The following LRRC8A variants were observed in gnomAD, a reference collection of about 807,000 sequenced individuals.
LRRC8A encodes the protein leucine rich repeat containing 8 VRAC subunit A, also known as volume-regulated anion channel subunit LRRC8A.
A neutral mutation model predicts 52.5 loss-of-function variants in LRRC8A; 24 were observed. The ratio of observed to expected loss-of-function variants is 0.46; its 90% CI spans 0.33 to 0.64. The LOEUF (loss-of-function observed/expected upper bound fraction) is 0.64. Ranked by LOEUF, LRRC8A falls within the 30% of genes least tolerant of loss-of-function variation. The pLI, the probability that LRRC8A is intolerant of heterozygous loss-of-function variation, is 0.02. For synonymous variants in LRRC8A, 492 were observed against 494.2 expected (o/e 1.00, Z 0.06); for missense variants, 677 against 1,094.7 (o/e 0.62, Z 5.38).
chr9:128,907,844 C>G lies in LRRC8A; in HGVS notation c.680C>G (p.Ser227Ter). Residue 227 changes from serine to a stop codon, truncating the protein, a stop_gained, in exon 3 of 4, where the codon TCA becomes TGA. Transcript: ENST00000372600. LOFTEE classifies it high-confidence loss of function. The surrounding 1 kb of genome is among the most constrained non-coding windows in gnomAD (Gnocchi z 9.3). ...ATCGAGCAGGGTATCGTGGACCGCT[C>G]AGAGACGGGCGTGCTGGACAAGAAG... ...SRIEQGIVDR[S>*]ETGVLDKKEG... The G allele has an allele frequency of 2.5e-6, 4 of 1,614,052 alleles. No homozygotes were observed. The highest frequency in any genetic ancestry group is 3.4e-6 in the Non-Finnish European group (4 of 1,180,028).
intron 3 of LRRC8A, among the ~76,000 whole-genome samples, chr9:128,912,541 C>T (rs919280341): frequency 6.6e-6 from 1 of 151,468 alleles, no homozygotes; most frequent in African/African-American, 2.4e-5. Context: ...TCCTGTCCTA[C>T]ACCTCAGTTT....
At chr9:128,903,304 C>T (rs1588213781) in intron 2 of LRRC8A, among the ~76,000 whole-genome samples, 2 of 152,324 alleles carry the variant, frequency 1.3e-5, no homozygotes, top group South Asian at 2.1e-4. Context: ...CCCCATTCCA[C>T]CTGCCTCACA....
At chr9:128,894,564 A>G (rs1317992614) in intron 2 of LRRC8A, among the ~76,000 whole-genome samples, 1 of 151,944 alleles carries the variant, frequency 6.6e-6, no homozygotes, top group African/African-American at 2.4e-5. Context: ...ACACCAAGGC[A>G]GGTGAATCAC....
At chr9:128,882,970 A>G in intron 1 of LRRC8A, 2 of 394,656 alleles carry the variant, frequency 5.1e-6, no homozygotes, top group Non-Finnish European at 8.9e-6. Flanking sequence ...GGGGTCATGG[A>G]GTTCATGATG....
At chr9:128,889,718 T>C (rs1377514586) in intron 2 of LRRC8A, among the ~76,000 whole-genome samples, 1 of 151,630 alleles carries the variant, frequency 6.6e-6, no homozygotes, top group African/African-American at 2.4e-5. Flanking sequence ...CTGGTCTCGA[T>C]CTCCTGACCT....
At chr9:128,898,506 A>C (rs923051414) in intron 2 of LRRC8A, among the ~76,000 whole-genome samples, 5 of 152,142 alleles carry the variant, frequency 3.3e-5, no homozygotes, top group Non-Finnish European at 7.4e-5. Flanking sequence ...TCATTCACTC[A>C]CCAGGTGTCT....
rs544621376 is a variant in LRRC8A, at chr9:128,899,058, G to A, written c.-8-8099G>A. Among the ~76,000 whole-genome samples, 1 of 152,190 alleles carries A rather than the reference G, an allele frequency of 6.6e-6. No homozygotes were observed. Among genetic ancestry groups the A allele is most frequent in the African/African-American group, 2.4e-5 (1 of 41,446 alleles). On this transcript the variant is annotated intron_variant, in intron 2 of 3. Transcript: ENST00000372600. The surrounding 1 kb of genome is among the most constrained non-coding windows in gnomAD (Gnocchi z 4.0). ...CAGTCACAGCCCAGCAGTCTGACGC[G>A]GGGGTGGGCAGCTGAGGGGGAAGGA...
intron 2 of LRRC8A, among the ~76,000 whole-genome samples, chr9:128,891,537 G>A (rs1005237667): frequency 1.6e-4 from 24 of 152,172 alleles, no homozygotes; most frequent in South Asian, 4.1e-4. Context: ...CTCCAGCCTC[G>A]GCGACAGCGC....
At chr9:128,891,196 C>T (rs56158725) in intron 2 of LRRC8A, among the ~76,000 whole-genome samples, 6 of 151,990 alleles carry the variant, frequency 3.9e-5, no homozygotes, top group Non-Finnish European at 5.9e-5. Context: ...CACTTGAACC[C>T]GGGAGGCGAA....
In LRRC8A at chr9:128,911,081, T is replaced by C. The variant is rs769928590; in HGVS notation, c.2157+1760T>C. On this transcript the variant is annotated intron_variant, in intron 3 of 3. Coordinates refer to ENST00000372600, the MANE Select transcript of LRRC8A (RefSeq NM_019594.4). The surrounding 1 kb of genome is among the most constrained non-coding windows in gnomAD (Gnocchi z 4.9). Reference sequence around the variant, plus strand: ...GCACGGAGGGAGGTGGCCCCTGGAATGCCCGGTCTGTCTATAGTATCCTCA... The same window carrying C: ...GCACGGAGGGAGGTGGCCCCTGGAACGCCCGGTCTGTCTATAGTATCCTCA... Among the ~76,000 whole-genome samples, 3 of 151,910 alleles carry C rather than the reference T, an allele frequency of 2.0e-5. No individual in the cohort carries two copies. Among genetic ancestry groups the C allele is most frequent in the Non-Finnish European group, 2.9e-5 (2 of 67,954 alleles).
At position 128,887,394 on chromosome 9, in the gene LRRC8A, G is replaced by C. The variant is rs567959278; in HGVS notation, c.-9+1273G>C. Among the ~76,000 whole-genome samples, 4 of 152,142 alleles carry C rather than the reference G, an allele frequency of 2.6e-5. No individual in the cohort carries two copies. The Middle Eastern group carries it at 0.014, about 517-fold the overall frequency. The stretch of plus-strand genomic sequence containing the variant: ...GCCCAGGCTGGTCTCGAACTCCTGG[G>C]TTCAAGAGATGCTCCTGCCTTGGCC... On this transcript the variant is annotated intron_variant, in intron 2 of 3. Transcript: ENST00000372600.
intron 1 of LRRC8A, among the ~76,000 whole-genome samples, chr9:128,883,567 C>A (rs548248344): frequency 6.6e-6 from 1 of 152,296 alleles, no homozygotes; most frequent in South Asian, 2.1e-4. Context: ...CTGTTGTGGA[C>A]ATGCCAGGGA....
At chr9:128,895,664 G>A (rs60857969) in intron 2 of LRRC8A, among the ~76,000 whole-genome samples, 123 of 152,222 alleles carry the variant, frequency 8.1e-4, no homozygotes, top group African/African-American at 2.8e-3. Flanking sequence ...ACATCTCCCT[G>A]GGGGCAGGGC....
In LRRC8A at chr9:128,916,799, TC is replaced by T. The variant is rs760110031; in HGVS notation, c.*429del. 13 of 166,718 alleles carry T rather than the reference TC, an allele frequency of 7.8e-5. No individual in the cohort carries two copies. In the East Asian group the frequency reaches 1.8e-3, roughly 23 times the overall value. 10.3% of individuals were successfully genotyped at this position (166,718 alleles called of 1,614,324 possible). A position where few individuals can be genotyped will look rare whatever the true frequency, so the allele number is the denominator to read the frequency against. On this transcript the variant is annotated 3_prime_UTR_variant, in exon 4 of 4. Transcript: ENST00000372600. This position sits in a 1 kb window ranked among gnomAD's most constrained non-coding sequence, Gnocchi z 6.1. ...AAAGTTCAGCCCAGATGGAAGGTGT[TC>T]AGGGAAAGGTGGGCTGCCTTTTCCC... is the stretch of plus-strand genomic sequence containing the variant.
intron 3 of LRRC8A, among the ~76,000 whole-genome samples, chr9:128,915,246 A>G (rs947752590): frequency 6.6e-6 from 1 of 152,096 alleles, no homozygotes; most frequent in Non-Finnish European, 1.5e-5. Context: ...GCAGAACCCT[A>G]TATGTTCTGT....
intron 2 of LRRC8A, among the ~76,000 whole-genome samples, chr9:128,895,469 C>G (rs1839788260): frequency 6.6e-6 from 1 of 152,230 alleles, no homozygotes; most frequent in South Asian, 2.1e-4. Flanking sequence ...AACTCCAAGT[C>G]CTTGCTCTCT....
In LRRC8A at chr9:128,907,713, C is replaced by G. The variant is rs753349733; in HGVS notation, c.549C>G (p.Pro183=). Residue 183 remains proline, a synonymous_variant, in exon 3 of 4, where the codon CCC becomes CCG. Transcript: ENST00000372600. The surrounding 1 kb of genome is among the most constrained non-coding windows in gnomAD (Gnocchi z 9.3). ...AGACAGTGGTGGAGGAGAGCGACCC[C>G]AAGCCGGCCTTCAGCAAGATGAATG... The part of the protein sequence containing the change: ...LSETVVEESD[P]KPAFSKMNGS... 3.1e-6 allele frequency: 5 copies of G among 1,613,564 alleles called. No homozygotes were observed. Among genetic ancestry groups the G allele is most frequent in the Non-Finnish European group, 4.2e-6 (5 of 1,179,826 alleles).
chr9:128,891,379 C>T (rs1839611417), intron 2 of LRRC8A, among the ~76,000 whole-genome samples: 1 of 151,918 alleles, frequency 6.6e-6, no homozygotes, highest in Admixed American at 6.6e-5. Context: ...GCCTGGGCAA[C>T]ATAACAACCT....
intron 2 of LRRC8A, among the ~76,000 whole-genome samples, chr9:128,897,545 A>T (rs557009227): frequency 9.2e-5 from 14 of 151,704 alleles, no homozygotes; most frequent in African/African-American, 2.4e-4. Flanking sequence ...ATCGTGATTT[A>T]AAAAAAAATT....
Sources: allele counts gnomAD v4.1 joint callset (sites outside exome capture counted in the v4.1 genomes callset), GRCh38; gene constraint gnomAD v4.1.1; non-coding constraint Gnocchi (gnomAD v3.1); transcripts MANE v1.5; gene names NCBI Gene and HGNC (gene_info 2026-07-23, HGNC 2026-07-21).